ANAPC1: variants seen among roughly 807,000 people sequenced by gnomAD.
ANAPC1 encodes anaphase promoting complex subunit 1, also known as anaphase-promoting complex subunit 1.
A neutral mutation model predicts 208.0 loss-of-function variants in ANAPC1; 36 were observed. The ratio of observed to expected loss-of-function variants is 0.17; its 90% CI spans 0.13 to 0.23. The LOEUF is 0.23. Among genes scored for constraint, ANAPC1 ranks in the 10% least tolerant of loss-of-function variants. The probability of loss-of-function intolerance (pLI) is 1.00; values close to 1 mark genes in which losing one functional copy is unlikely to be tolerated. For missense variants in ANAPC1, 942 were observed against 2,011.6 expected (o/e 0.47, Z 10.17); for synonymous variants, 378 against 695.2 (o/e 0.54, Z 7.18).
chr2:111,775,888 T>C (rs1303263009), intron 46 of ANAPC1, among the ~76,000 whole-genome samples: 3 of 152,306 alleles, frequency 2.0e-5, no homozygotes, highest in Non-Finnish European at 4.4e-5. Flanking sequence ...TGAAGCTATA[T>C]GATCTTTGAA....
chr2:111,876,521 G>A (rs181516269), intron 3 of ANAPC1, among the ~76,000 whole-genome samples: 25 of 152,296 alleles, frequency 1.6e-4, no homozygotes, highest in Non-Finnish European at 3.2e-4. Flanking sequence ...ATAGGCAACT[G>A]TTCTTGGAGA....
In ANAPC1 at chr2:111,880,595, T is replaced by C. The variant is rs1359839190; in HGVS notation, c.213+18A>G. The C allele has an allele frequency of 5.0e-6, 8 of 1,593,994 alleles. No homozygotes were observed. In the East Asian group the frequency reaches 1.3e-4, roughly 27 times the overall value. ...ATCACTCTACATTTCAAAAACACAATGGGAAACTCAATGGAACCTTCTGTT... is the reference window on the plus strand; with the variant it reads ...ATCACTCTACATTTCAAAAACACAACGGGAAACTCAATGGAACCTTCTGTT... On this transcript the variant is annotated intron_variant, in intron 2 of 47. Coordinates refer to ENST00000341068, the MANE Select transcript of ANAPC1 (RefSeq NM_022662.4).
At chr2:111,801,358 T>C (rs1464563991) in intron 33 of ANAPC1, among the ~76,000 whole-genome samples, 4 of 125,338 alleles carry the variant, frequency 3.2e-5, no homozygotes, top group South Asian at 2.6e-4. Context: ...CTCCATCTCA[T>C]AAAAAAAAAA....
intron 17 of ANAPC1, among the ~76,000 whole-genome samples, chr2:111,842,249 A>C (rs1680804126): frequency 6.6e-6 from 1 of 152,212 alleles, no homozygotes; most frequent in African/African-American, 2.4e-5. Flanking sequence ...GTAACATCAA[A>C]AATATTTAGA....
chr2:111,866,104 T>C (rs1453446760), intron 7 of ANAPC1: 1 of 188,222 alleles, frequency 5.3e-6, no homozygotes, highest in Non-Finnish European at 1.1e-5. Flanking sequence ...CTCGGGAGGC[T>C]GAGGGAGGAG....
At chr2:111,866,733 A>AAG (rs972484280) in intron 7 of ANAPC1, among the ~76,000 whole-genome samples, 2 of 151,926 alleles carry the variant, frequency 1.3e-5, no homozygotes, top group African/African-American at 4.8e-5. Flanking sequence ...CAAAAAAAAA[A>AAG]AAAATGAAAA....
At chr2:111,828,183 C>G (rs937166973) in intron 21 of ANAPC1, among the ~76,000 whole-genome samples, 10 of 152,002 alleles carry the variant, frequency 6.6e-5, no homozygotes, top group African/African-American at 1.9e-4. Flanking sequence ...AAAATATGCT[C>G]AATATCACTA....
At chr2:111,866,203 C>A (rs865992819) in intron 7 of ANAPC1, 223 of 217,906 alleles carry the variant, frequency 1.0e-3, no homozygotes, top group Admixed American at 1.5e-3. Context: ...GACTCTGTCT[C>A]AAAAAAAAAA....
In ANAPC1 at chr2:111,847,817, G is replaced by A. The variant is rs759717910; in HGVS notation, c.1699C>T (p.His567Tyr). The part of the protein sequence containing the change: ...VPELRDSSKL[H>Y]DSLYNEDCTF... ...CAATCCTCATTATAGAGAGAATCAT[G>A]AAGTTTTGAAGAATCCCTCAGTTCT... Residue 567 changes from histidine (H) to tyrosine (Y), a missense_variant, in exon 15 of 48, where the codon CAT becomes TAT. Physicochemically the swap from His to Tyr is moderately conservative, Grantham distance 83. Coordinates refer to ENST00000341068, the MANE Select transcript of ANAPC1 (RefSeq NM_022662.4). 5 of 1,599,150 alleles carry A rather than the reference G, an allele frequency of 3.1e-6. No individual in the cohort carries two copies. The highest frequency in any genetic ancestry group is 2.2e-5 in the East Asian group (1 of 44,510).
At chr2:111,845,835 C>T (rs1282774817) in intron 16 of ANAPC1, among the ~76,000 whole-genome samples, 5 of 151,932 alleles carry the variant, frequency 3.3e-5, no homozygotes, top group Admixed American at 2.6e-4. Context: ...ATTAGCCGGG[C>T]GTGGTGGCGG....
At position 111,872,664 on chromosome 2, in the gene ANAPC1, C is replaced by G. The variant is rs368190060; in HGVS notation, c.577G>C (p.Ala193Pro). The G allele has an allele frequency of 6.2e-7, 1 of 1,613,570 alleles. No homozygotes were observed. Reference protein sequence around the residue: ...TKYGLLFERSASSHEVPPGSP... With the variant: ...TKYGLLFERSPSSHEVPPGSP... ...CCTGGAGGTACTTCATGTGAAGAAG[C>G]GCTTCGTTCAAACAGCAATCCATAT... The change falls in exon 6 of 48, where the codon GCT becomes CCT. Residue 193 changes from alanine to proline, a missense_variant. By Grantham distance (27) the Ala-to-Pro change is conservative. Coordinates refer to ENST00000341068, the MANE Select transcript of ANAPC1 (RefSeq NM_022662.4).
chr2:111,846,563 T>C, intron 16 of ANAPC1, among the ~76,000 whole-genome samples: 1 of 84,002 alleles, frequency 1.2e-5, no homozygotes, highest in East Asian at 3.8e-4. Flanking sequence ...ATATATATTT[T>C]TTTTTTTTTT....
At chr2:111,826,190 A>G (rs1262734596) in intron 21 of ANAPC1, among the ~76,000 whole-genome samples, 3 of 152,234 alleles carry the variant, frequency 2.0e-5, no homozygotes, top group Non-Finnish European at 2.9e-5. Flanking sequence ...ACCTAGCTAC[A>G]TAATTGAAGT....
chr2:111,785,515 C>T (rs1259465866), intron 39 of ANAPC1, 38 bp from the exon 40 acceptor site: 1 of 1,027,116 alleles, frequency 9.7e-7, no homozygotes, highest in South Asian at 1.4e-5. Context: ...TAACAAACAA[C>T]TGTGACAATA....
chr2:111,856,761 C>T (rs182031166), intron 12 of ANAPC1, 35 bp downstream of exon 12: 31 of 1,612,828 alleles, frequency 1.9e-5, no homozygotes, highest in East Asian at 1.1e-4. Context: ...TCTGTTGAAG[C>T]GTAATTGTCA....
intron 46 of ANAPC1, among the ~76,000 whole-genome samples, chr2:111,774,998 T>C (rs1323774322): frequency 6.6e-6 from 1 of 152,216 alleles, no homozygotes; most frequent in African/African-American, 2.4e-5. Flanking sequence ...CCAGGCGCCA[T>C]GGCTCATGCC....
chr2:111,799,153 A>C (rs1202169285), intron 34 of ANAPC1, among the ~76,000 whole-genome samples: 2 of 152,262 alleles, frequency 1.3e-5, no homozygotes, highest in African/African-American at 4.8e-5. Flanking sequence ...ATGCACAGAC[A>C]CTTCACAAAA....
intron 20 of ANAPC1, among the ~76,000 whole-genome samples, chr2:111,832,441 G>A (rs1045037465): frequency 6.6e-6 from 1 of 152,098 alleles, no homozygotes; most frequent in African/African-American, 2.4e-5. Context: ...TTTAGCTCAG[G>A]GTCTAGGATA....
chr2:111,806,508 CAG>C (rs1678683870), intron 29 of ANAPC1, among the ~76,000 whole-genome samples: 1 of 53,848 alleles, frequency 1.9e-5, no homozygotes, highest in Non-Finnish European at 3.7e-5. Flanking sequence ...GCCTGGGTGA[CAG>C]AGTGAGACAC....
Sources: gnomAD v4.1 joint callset for allele counts (sites outside exome capture counted in the v4.1 genomes callset) on GRCh38, gnomAD v4.1.1 for gene constraint, MANE v1.5 for transcripts, NCBI Gene and HGNC (gene_info 2026-07-23, HGNC 2026-07-21) for gene names.